RASA1: variants seen among roughly 807,000 people sequenced by gnomAD.
The protein encoded by RASA1 is RAS p21 protein activator 1.
RASA1 carries 25 observed loss-of-function variants against 132.2 expected under a neutral mutation model. The ratio of observed to expected loss-of-function variants is 0.19; its 90% CI spans 0.14 to 0.26. RASA1 has a LOEUF of 0.26. RASA1 is among the 10% of genes least tolerant of loss of function. RASA1 has a pLI of 1.00. For synonymous variants in RASA1, 477 were observed against 449.9 expected, an observed-to-expected ratio of 1.06 and a Z score of -0.76; for missense variants, 964 against 1,299.2, an observed-to-expected ratio of 0.74 and a Z score of 3.97.
intron 20 of RASA1, among the ~76,000 whole-genome samples, chr5:87,383,035 T>C: frequency 6.6e-6 from 1 of 151,968 alleles, no homozygotes; most frequent in East Asian, 1.9e-4. Context: ...AAGGTTGCAG[T>C]GAGCTGTGAT....
chr5:87,268,671 G>T lies in RASA1; in HGVS notation c.220G>T (p.Ala74Ser), dbSNP rs980967533. 1.2e-6 allele frequency: 2 copies of T among 1,611,306 alleles called. No homozygotes were observed. Among genetic ancestry groups the T allele is most frequent in the Admixed American group, 1.7e-5 (1 of 59,544 alleles). ...CGCTTTGGGGTCAGAGTTCCTAGGA[G>T]CCGGGTCTGTGGCAGGGGCACTGGG... ...GAALGSEFLG[A>S]GSVAGALGGA... Residue 74 changes from alanine (A) to serine (S), a missense_variant, in exon 1 of 25, where the codon GCC becomes TCC. Physicochemically the swap from Ala to Ser is moderately conservative, Grantham distance 99. Around this residue, in one of 6 missense-constraint regions of RASA1, gnomAD observed 326 missense variants for 275.8 expected, o/e 1.18. Coordinates refer to ENST00000274376, the MANE Select transcript of RASA1 (RefSeq NM_002890.3).
chr5:87,322,448 C>T (rs193106203), intron 1 of RASA1, among the ~76,000 whole-genome samples: 19 of 152,278 alleles, frequency 1.2e-4, no homozygotes, highest in Admixed American at 3.9e-4. Context: ...CTTCCCTGAC[C>T]CCTTGTCTGT....
chr5:87,318,269 TAGA>T (rs1057249469), intron 1 of RASA1: 2 of 152,110 alleles, frequency 1.3e-5, no homozygotes, highest in African/African-American at 4.8e-5. Context: ...TTTGGCCTGT[TAGA>T]GGAGGAGTTT....
intron 1 of RASA1, among the ~76,000 whole-genome samples, chr5:87,328,560 A>G (rs982315371): frequency 1.3e-5 from 2 of 152,182 alleles, no homozygotes; most frequent in African/African-American, 4.8e-5. Context: ...GGGAAATGTT[A>G]TATCTTTGTT....
intron 4 of RASA1, among the ~76,000 whole-genome samples, chr5:87,337,726 T>C (rs1174835848): frequency 7.2e-5 from 11 of 152,098 alleles, no homozygotes; most frequent in Non-Finnish European, 1.0e-4. Context: ...TTCAGTGATA[T>C]AGTTAGTGCA....
intron 9 of RASA1, among the ~76,000 whole-genome samples, chr5:87,354,822 C>T (rs965619642): frequency 2.0e-5 from 3 of 152,286 alleles, no homozygotes; most frequent in Middle Eastern, 3.4e-3. Context: ...CCATTGAACA[C>T]ATGAATGATT....
At chr5:87,325,863 T>A (rs911526809) in intron 1 of RASA1, among the ~76,000 whole-genome samples, 17 of 152,314 alleles carry the variant, frequency 1.1e-4, no homozygotes, top group Admixed American at 9.2e-4. Context: ...ATTTTCTCAT[T>A]GCACAAATTT....
chr5:87,283,556 T>G (rs1455466123), intron 1 of RASA1, among the ~76,000 whole-genome samples: 4 of 152,040 alleles, frequency 2.6e-5, no homozygotes, highest in Non-Finnish European at 5.9e-5. Flanking sequence ...CTACCAAAGG[T>G]AATAATCACT....
rs549690680 is a variant in RASA1, at chr5:87,366,370, C to T, written c.1610+2866C>T. The T allele has an allele frequency of 2.1e-4, 91 of 431,140 alleles. 1 individual carries two copies. The highest frequency in any genetic ancestry group is 1.6e-3 in the African/African-American group (80 of 49,554). 26.7% of individuals were successfully genotyped at this position (431,140 alleles called of 1,614,324 possible). On this transcript the variant is annotated intron_variant, in intron 11 of 24. Coordinates refer to ENST00000274376, the MANE Select transcript of RASA1 (RefSeq NM_002890.3). ...GAACAGATGCAGTTAGATTGGAAGTCTGTTGGCACAATCAAAAGAAAGGTC... is the reference window on the plus strand; with the variant it reads ...GAACAGATGCAGTTAGATTGGAAGTTTGTTGGCACAATCAAAAGAAAGGTC...
intron 6 of RASA1, among the ~76,000 whole-genome samples, chr5:87,341,603 C>T (rs1345864490): frequency 2.0e-5 from 3 of 152,028 alleles, no homozygotes; most frequent in African/African-American, 7.2e-5. Context: ...CACAATTTGG[C>T]ACATTTTAAA....
chr5:87,304,470 CTTTTT>C (rs376100899), intron 1 of RASA1, among the ~76,000 whole-genome samples: 1 of 143,728 alleles, frequency 7.0e-6, no homozygotes. Context: ...TTATTATACA[CTTTTT>C]TTTTTTTTTT....
intron 11 of RASA1, among the ~76,000 whole-genome samples, chr5:87,368,059 G>C (rs77818338): frequency 0.012 from 1,810 of 152,076 alleles, 28 homozygotes; most frequent in African/African-American, 0.041. Context: ...CTCTTGGTTA[G>C]TATCTGTTTA....
intron 23 of RASA1, 43 bp from the exon 24 acceptor site, chr5:87,389,348 AAG>A (rs1762302561): frequency 6.2e-7 from 1 of 1,611,178 alleles, no homozygotes; most frequent in South Asian, 1.1e-5. Context: ...AACAAAAAAA[AAG>A]AAGATTTGTA....
chr5:87,353,101 T>G, intron 8 of RASA1, 56 bp from the exon 9 acceptor site: 1 of 1,392,774 alleles, frequency 7.2e-7, no homozygotes, highest in East Asian at 2.3e-5. Context: ...CACATATTTT[T>G]AAAGATTTTG....
intron 1 of RASA1, among the ~76,000 whole-genome samples, chr5:87,275,666 G>T (rs1221753313): frequency 6.6e-6 from 1 of 152,038 alleles, no homozygotes; most frequent in African/African-American, 2.4e-5. Context: ...CGCCTTCCGG[G>T]TTCAAGCATT....
In RASA1 at chr5:87,386,848, A is replaced by G; in HGVS notation, c.2870A>G (p.Asn957Ser). The change falls in exon 23 of 25, where the codon AAT becomes AGT. Residue 957 changes from asparagine to serine, a missense_variant. Physicochemically the swap from Asn to Ser is conservative, Grantham distance 46. This residue lies in a region of RASA1 where 107 missense variants were observed against 163.8 expected (regional missense o/e 0.65). Transcript: ENST00000274376. ...GAKEPYMEGV[N>S]PFIKSNKHRM... ...CAGGAGCCCTACATGGAAGGTGTCA[A>G]TCCATTCATCAAAAGCAACAAACAT... 1 of 1,613,000 alleles carries G rather than the reference A, an allele frequency of 6.2e-7. No individual in the cohort carries two copies. The highest frequency in any genetic ancestry group is 8.5e-7 in the Non-Finnish European group (1 of 1,179,308).
chr5:87,386,256 T>C (rs7735175), intron 22 of RASA1, among the ~76,000 whole-genome samples: 1,830 of 152,142 alleles, frequency 0.012, 30 homozygotes, highest in African/African-American at 0.041. Context: ...AAAGAGTGTG[T>C]TAATCTTAAC....
intron 1 of RASA1, among the ~76,000 whole-genome samples, chr5:87,328,979 G>A (rs959584155): frequency 1.3e-5 from 2 of 151,730 alleles, no homozygotes; most frequent in African/African-American, 4.8e-5. Context: ...TTTAATTGCA[G>A]TTTATAGTCA....
In RASA1 at chr5:87,386,822, T is replaced by C. The variant is rs778704112; in HGVS notation, c.2848-4T>C. 1.9e-6 allele frequency: 3 copies of C among 1,611,958 alleles called. No individual in the cohort carries two copies. The Admixed American group carries it at 5.0e-5, about 27-fold the overall frequency. ...GCATATAACAGAAGCATTTTATTTT[T>C]CAGGAGCCCTACATGGAAGGTGTCA... On this transcript the variant is annotated splice_polypyrimidine_tract_variant and splice_region_variant and intron_variant, in intron 22 of 24. Transcript: ENST00000274376.
Sources: gnomAD v4.1 joint callset for allele counts (sites outside exome capture counted in the v4.1 genomes callset) on GRCh38, gnomAD v4.1.1 for gene constraint, gnomAD v4.1.1 regional missense constraint, MANE v1.5 for transcripts, NCBI Gene and HGNC (gene_info 2026-07-23, HGNC 2026-07-21) for gene names.